The following LRRC37A2 variants were observed in gnomAD, a reference collection of about 807,000 sequenced individuals.
LRRC37A2 encodes leucine-rich repeat-containing protein 37A2.
Under a neutral mutation model 68.8 loss-of-function variants are expected in LRRC37A2, and 9 were observed. The observed-to-expected ratio is 0.13, with a 90% CI of 0.08 to 0.23. The LOEUF (loss-of-function observed/expected upper bound fraction) is 0.23, where lower values mean the gene tolerates loss of function less well. Among genes scored for constraint, LRRC37A2 ranks in the 10% least tolerant of loss-of-function variants. LRRC37A2 has a pLI of 1.00. For synonymous variants in LRRC37A2, 63 were observed against 367.6 expected, an observed-to-expected ratio of 0.17 and a Z score of 9.48; for missense variants, 168 against 950.4, an observed-to-expected ratio of 0.18 and a Z score of 10.82.
chr17:46,885,780 G>A, the LRRC37A2 span: 2 of 152,094 alleles, frequency 1.3e-5, no homozygotes, highest in Non-Finnish European at 2.9e-5. Context: ...TGGTGTAGCT[G>A]GCACCACATC....
the LRRC37A2 span, among the ~76,000 whole-genome samples, chr17:46,980,489 G>A: frequency 6.6e-6 from 1 of 151,492 alleles, no homozygotes; most frequent in Non-Finnish European, 1.5e-5. Flanking sequence ...TGCCAAAACT[G>A]ATTTTTCTTT....
At chr17:46,679,760 A>C in the LRRC37A2 span, among the ~76,000 whole-genome samples, 48 of 152,090 alleles carry the variant, frequency 3.2e-4, no homozygotes, top group Admixed American at 5.9e-4. Flanking sequence ...AAAGTTGTAC[A>C]TTGTGCCCAA....
chr17:46,810,881 G>A, the LRRC37A2 span, among the ~76,000 whole-genome samples: 1 of 152,138 alleles, frequency 6.6e-6, no homozygotes, highest in African/African-American at 2.4e-5. Context: ...GGTCTCAGGT[G>A]CCCTAACTCC....
At chr17:46,810,097 C>T in the LRRC37A2 span, among the ~76,000 whole-genome samples, 1 of 150,776 alleles carries the variant, frequency 6.6e-6, no homozygotes, top group Non-Finnish European at 1.5e-5. Flanking sequence ...ACCTCCGCCT[C>T]CCAGGTTCAA....
At chr17:46,963,564 G>T in the LRRC37A2 span, 1 of 149,662 alleles carries the variant, frequency 6.7e-6, no homozygotes, top group Non-Finnish European at 1.5e-5. Flanking sequence ...AAAAAAATAG[G>T]CAGATGATAT....
chr17:46,780,741 C>T, the LRRC37A2 span, among the ~76,000 whole-genome samples: 12 of 151,838 alleles, frequency 7.9e-5, no homozygotes, highest in African/African-American at 2.7e-4. Flanking sequence ...GGCGCCACTG[C>T]GCTCCAGCCT....
At chr17:47,015,186 T>C in the LRRC37A2 span, among the ~76,000 whole-genome samples, 2 of 152,024 alleles carry the variant, frequency 1.3e-5, no homozygotes, top group Non-Finnish European at 2.9e-5. Flanking sequence ...TTTTGTATTT[T>C]TAGTAGAGAT....
At chr17:46,890,483 C>A in the LRRC37A2 span, among the ~76,000 whole-genome samples, 6 of 152,212 alleles carry the variant, frequency 3.9e-5, no homozygotes, top group East Asian at 1.2e-3. Context: ...TCTTGGCATC[C>A]CAGGACCCTC....
chr17:46,977,751 C>T, the LRRC37A2 span, among the ~76,000 whole-genome samples: 2 of 152,246 alleles, frequency 1.3e-5, no homozygotes, highest in Non-Finnish European at 2.9e-5. Context: ...AAAGCAAGCC[C>T]TTAGAAGGGG....
At chr17:46,859,579 T>G in the LRRC37A2 span, among the ~76,000 whole-genome samples, 2 of 152,232 alleles carry the variant, frequency 1.3e-5, no homozygotes, top group Non-Finnish European at 2.9e-5. Context: ...GCCTTTTATA[T>G]TCCTAGATTA....
At chr17:46,805,662 G>C in the LRRC37A2 span, among the ~76,000 whole-genome samples, 3 of 152,316 alleles carry the variant, frequency 2.0e-5, no homozygotes, top group East Asian at 5.8e-4. Context: ...AAGGCAGGAG[G>C]ATAGCTTCAC....
At chr17:46,921,873 A>G in the LRRC37A2 span, among the ~76,000 whole-genome samples, 1 of 152,254 alleles carries the variant, frequency 6.6e-6, no homozygotes, top group Non-Finnish European at 1.5e-5. Flanking sequence ...GAACACTTTT[A>G]CACTGTTGGT....
the LRRC37A2 span, among the ~76,000 whole-genome samples, chr17:46,492,654 C>G: frequency 6.7e-6 from 1 of 149,452 alleles, no homozygotes; most frequent in Admixed American, 6.6e-5. Context: ...GCTCTGTATC[C>G]TCCCTAGCAC....
chr17:46,770,537 G>A, the LRRC37A2 span, among the ~76,000 whole-genome samples: 6 of 152,118 alleles, frequency 3.9e-5, no homozygotes, highest in Non-Finnish European at 7.3e-5. Context: ...CCTTCCGCAC[G>A]TGGATGCATA....
chr17:46,801,248 C>T, the LRRC37A2 span, among the ~76,000 whole-genome samples: 1 of 152,160 alleles, frequency 6.6e-6, no homozygotes, highest in South Asian at 2.1e-4. Context: ...GGGTGCAGGG[C>T]GGCAGGGGCC....
chr17:46,817,992 G>T, the LRRC37A2 span, among the ~76,000 whole-genome samples: 1 of 152,056 alleles, frequency 6.6e-6, no homozygotes, highest in Non-Finnish European at 1.5e-5. Context: ...CCACTCCCCT[G>T]CCCCGGGAGG....
the LRRC37A2 span, among the ~76,000 whole-genome samples, chr17:47,010,143 G>T: frequency 1.3e-5 from 2 of 152,212 alleles, no homozygotes; most frequent in Admixed American, 6.5e-5. Flanking sequence ...GTCCCAGAAG[G>T]GGTGGACCGT....
the LRRC37A2 span, among the ~76,000 whole-genome samples, chr17:46,907,271 TC>T: frequency 6.6e-6 from 1 of 152,182 alleles, no homozygotes; most frequent in South Asian, 2.1e-4. Context: ...GCCCAGCTCT[TC>T]CCAGGACTGC....
chr17:46,551,052 T>C (rs1032731726), intron 11 of LRRC37A2, among the ~76,000 whole-genome samples: 6 of 149,892 alleles, frequency 4.0e-5, no homozygotes, highest in African/African-American at 1.5e-4. Context: ...TTACAAAAAT[T>C]TTTGGCCACA....
Sources: allele counts gnomAD v4.1 joint callset (sites outside exome capture counted in the v4.1 genomes callset), GRCh38; gene constraint gnomAD v4.1.1; transcripts MANE v1.5; gene names NCBI Gene and HGNC (gene_info 2026-07-23, HGNC 2026-07-21).